The following NPAS3 variants were observed in gnomAD, a reference collection of about 807,000 sequenced individuals.
The protein encoded by NPAS3 is neuronal PAS domain protein 3, also known as neuronal PAS domain-containing protein 3.
A neutral mutation model predicts 73.1 loss-of-function variants in NPAS3; 14 were observed. The observed-to-expected ratio is 0.19, with a 90% CI of 0.13 to 0.30. NPAS3 has a LOEUF of 0.30. Ranked by LOEUF, NPAS3 falls within the 10% of genes least tolerant of loss-of-function variation. The pLI is 1.00. For missense variants in NPAS3, 1,096 were observed against 1,250.0 expected (o/e 0.88, Z 1.86); for synonymous variants, 620 against 541.5 (o/e 1.14, Z -2.01).
At chr14:33,500,864 G>A (rs1595039622) in intron 4 of NPAS3, among the ~76,000 whole-genome samples, 1 of 151,974 alleles carries the variant, frequency 6.6e-6, no homozygotes, top group Non-Finnish European at 1.5e-5. Context: ...GCAGTCCGTT[G>A]TAAGAGCTGG....
At chr14:33,393,879 G>T (rs572519895) in intron 4 of NPAS3, among the ~76,000 whole-genome samples, 1 of 152,176 alleles carries the variant, frequency 6.6e-6, no homozygotes, top group Non-Finnish European at 1.5e-5. Context: ...GAATCTTTGC[G>T]ACTATAGTCA....
At chr14:33,590,530 C>A (rs916412233) in intron 5 of NPAS3, among the ~76,000 whole-genome samples, 1 of 152,098 alleles carries the variant, frequency 6.6e-6, no homozygotes, top group African/African-American at 2.4e-5. Flanking sequence ...AGACCAAACC[C>A]ATGTGTTTTG....
intron 1 of NPAS3, among the ~76,000 whole-genome samples, chr14:33,038,503 T>A (rs1167532527): frequency 1.3e-5 from 2 of 150,802 alleles, no homozygotes; most frequent in East Asian, 3.9e-4. Context: ...ATCTGTCTAT[T>A]TATACATCTA....
chr14:33,242,461 G>A (rs2048242420), intron 3 of NPAS3, among the ~76,000 whole-genome samples: 1 of 151,990 alleles, frequency 6.6e-6, no homozygotes, highest in Non-Finnish European at 1.5e-5. Flanking sequence ...AACTTAGCTG[G>A]AAAATATATG....
intron 2 of NPAS3, among the ~76,000 whole-genome samples, chr14:33,066,415 A>G (rs2041281421): frequency 6.6e-6 from 1 of 152,170 alleles, no homozygotes; most frequent in Non-Finnish European, 1.5e-5. Context: ...AACAATTTAT[A>G]TGATGCTTGT....
intron 4 of NPAS3, among the ~76,000 whole-genome samples, chr14:33,373,707 A>G (rs2046195880): frequency 6.6e-6 from 1 of 152,112 alleles, no homozygotes; most frequent in African/African-American, 2.4e-5. Context: ...ATATTAGGTA[A>G]ACCCTCTTGT....
chr14:32,937,889 T>C (rs2035749647), upstream of NPAS3, among the ~76,000 whole-genome samples: 1 of 152,078 alleles, frequency 6.6e-6, no homozygotes, highest in South Asian at 2.1e-4. Context: ...ATTGGTTTAG[T>C]GGAGAAAACG....
At chr14:33,107,461 C>T (rs113855879) in intron 2 of NPAS3, among the ~76,000 whole-genome samples, 4,069 of 152,176 alleles carry the variant, frequency 0.027, 66 homozygotes, top group Non-Finnish European at 0.04. Context: ...TTTATGTCCA[C>T]GTATACCCAA....
intron 5 of NPAS3, among the ~76,000 whole-genome samples, chr14:33,612,879 C>T (rs78202033): frequency 0.013 from 2,021 of 152,082 alleles, 41 homozygotes; most frequent in African/African-American, 0.047. Flanking sequence ...GAGAAAGTAC[C>T]GGGGTTTCTT....
At chr14:33,545,462 A>G (rs1461764176) in intron 4 of NPAS3, among the ~76,000 whole-genome samples, 1 of 152,202 alleles carries the variant, frequency 6.6e-6, no homozygotes, top group East Asian at 1.9e-4. Context: ...ACTGAAATGA[A>G]TAATATATAG....
intron 2 of NPAS3, among the ~76,000 whole-genome samples, chr14:33,160,356 G>A (rs907123564): frequency 2.5e-4 from 38 of 152,082 alleles, no homozygotes; most frequent in Admixed American, 1.4e-3. Flanking sequence ...CAAGTGTATA[G>A]CAAATAAGTG....
chr14:33,563,967 G>T (rs959659046), intron 5 of NPAS3, among the ~76,000 whole-genome samples: 12 of 152,122 alleles, frequency 7.9e-5, no homozygotes, highest in African/African-American at 2.4e-4. Flanking sequence ...TAAATAAAAA[G>T]TATTTCTAGT....
At chr14:33,490,682 G>A (rs915953321) in intron 4 of NPAS3, among the ~76,000 whole-genome samples, 3 of 152,188 alleles carry the variant, frequency 2.0e-5, no homozygotes, top group Non-Finnish European at 4.4e-5. Flanking sequence ...CAGGAAGAGA[G>A]GCACAGTGGC....
intron 3 of NPAS3, among the ~76,000 whole-genome samples, chr14:33,262,253 A>G (rs1351380543): frequency 6.6e-6 from 1 of 152,162 alleles, no homozygotes; most frequent in Non-Finnish European, 1.5e-5. Flanking sequence ...CTTTTGCCTA[A>G]TTTTGTGTTG....
intron 3 of NPAS3, among the ~76,000 whole-genome samples, chr14:33,295,149 A>G (rs932633250): frequency 6.6e-6 from 1 of 152,202 alleles, no homozygotes; most frequent in African/African-American, 2.4e-5. Context: ...TTAAAACGAA[A>G]ACAAATTTAA....
chr14:32,939,500 A>T (rs1248499005), intron 1 of NPAS3, 134 bp downstream of exon 1: 1 of 209,590 alleles, frequency 4.8e-6, no homozygotes. Context: ...GTCTGGGCGC[A>T]GCGCTCGCCC....
chr14:33,161,347 A>G (rs28569363), intron 2 of NPAS3, among the ~76,000 whole-genome samples: 89,850 of 152,026 alleles, frequency 0.59, 26,692 homozygotes, highest in East Asian at 0.71. Context: ...GTTAGTACCT[A>G]TCCATTTTAT....
intron 7 of NPAS3, among the ~76,000 whole-genome samples, chr14:33,766,232 T>A (rs1337034517): frequency 6.6e-6 from 1 of 152,188 alleles, no homozygotes; most frequent in African/African-American, 2.4e-5. Context: ...GGAGAGGAGA[T>A]AAGTTAGGCC....
intron 4 of NPAS3, among the ~76,000 whole-genome samples, chr14:33,376,076 G>T (rs568632820): frequency 6.6e-6 from 1 of 152,258 alleles, no homozygotes; most frequent in South Asian, 2.1e-4. Flanking sequence ...TCTCAAGAAT[G>T]CATGTTTTAC....
Sources: gnomAD v4.1 joint callset for allele counts (sites outside exome capture counted in the v4.1 genomes callset) on GRCh38, gnomAD v4.1.1 for gene constraint, MANE v1.5 for transcripts, NCBI Gene and HGNC (gene_info 2026-07-23, HGNC 2026-07-21) for gene names.